The following DCUN1D4 variants were observed in gnomAD, a reference collection of about 807,000 sequenced individuals.
DCUN1D4 encodes defective in cullin neddylation 1 domain containing 4, also known as DCN1-like protein 4.
In DCUN1D4, 22 loss-of-function variants were observed where a neutral mutation model predicts 47.9. That is an observed-to-expected ratio of 0.46 (90% CI 0.33 to 0.66). The LOEUF (loss-of-function observed/expected upper bound fraction) is 0.66, where lower values mean the gene tolerates loss of function less well. Among genes scored for constraint, DCUN1D4 ranks in the 30% least tolerant of loss-of-function variants. DCUN1D4 has a pLI of 0.02. For synonymous variants in DCUN1D4, 121 were observed against 112.2 expected, an observed-to-expected ratio of 1.08 and a Z score of -0.50; for missense variants, 301 against 340.8, an observed-to-expected ratio of 0.88 and a Z score of 0.92.
chr4:51,837,603 G>C, the DCUN1D4 span, among the ~76,000 whole-genome samples: 1 of 139,620 alleles, frequency 7.2e-6, no homozygotes, highest in African/African-American at 2.7e-5. Context: ...TGCAGTGAGC[G>C]GAGATCGCGC....
chr4:51,891,442 G>A (rs1433103387), intron 6 of DCUN1D4, among the ~76,000 whole-genome samples: 1 of 152,178 alleles, frequency 6.6e-6, no homozygotes, highest in Non-Finnish European at 1.5e-5. Flanking sequence ...AACTTGCCAT[G>A]GGTGGAATTG....
chr4:51,892,111 A>G (rs1300559107), intron 7 of DCUN1D4, among the ~76,000 whole-genome samples: 1 of 152,214 alleles, frequency 6.6e-6, no homozygotes, highest in East Asian at 1.9e-4. Context: ...GGAGAAACAG[A>G]CCAACATTTT....
intron 4 of DCUN1D4, chr4:51,874,646 G>T: frequency 3.1e-6 from 1 of 318,220 alleles, no homozygotes; most frequent in South Asian, 4.1e-5. Context: ...GTGCAGAGTT[G>T]ATTTCTTTCC....
At chr4:51,908,401 G>T (rs1310983350) in intron 8 of DCUN1D4, among the ~76,000 whole-genome samples, 1 of 152,124 alleles carries the variant, frequency 6.6e-6, no homozygotes, top group Non-Finnish European at 1.5e-5. Flanking sequence ...TGGGGATGCT[G>T]GTTGGCTCTT....
At chr4:51,877,577 G>A in intron 4 of DCUN1D4, 186 bp from the exon 5 acceptor site, 1 of 467,716 alleles carries the variant, frequency 2.1e-6, no homozygotes, top group Non-Finnish European at 3.9e-6. Context: ...TCTATATTAG[G>A]AGTGACTGTG....
intron 8 of DCUN1D4, among the ~76,000 whole-genome samples, chr4:51,910,041 T>G (rs1733488232): frequency 6.6e-6 from 1 of 152,196 alleles, no homozygotes; most frequent in Non-Finnish European, 1.5e-5. Flanking sequence ...CTTAGGGTGG[T>G]GGTCACAGCA....
intron 8 of DCUN1D4, among the ~76,000 whole-genome samples, chr4:51,900,279 G>A (rs889412595): frequency 6.6e-6 from 1 of 151,584 alleles, no homozygotes; most frequent in Non-Finnish European, 1.5e-5. Context: ...GATGCATCTT[G>A]CAATAACGTT....
chr4:51,882,425 A>G (rs1241858770), intron 5 of DCUN1D4, among the ~76,000 whole-genome samples: 1 of 152,190 alleles, frequency 6.6e-6, no homozygotes, highest in Non-Finnish European at 1.5e-5. Context: ...GGAACACCCA[A>G]GCCATGTGCA....
upstream of DCUN1D4, among the ~76,000 whole-genome samples, chr4:51,838,695 C>T (rs1160093604): frequency 6.6e-6 from 1 of 152,190 alleles, no homozygotes; most frequent in Admixed American, 6.5e-5. Context: ...ATTTCACTAT[C>T]TTTTGAGAGC....
the DCUN1D4 span, among the ~76,000 whole-genome samples, chr4:51,834,060 C>CTT: frequency 7.3e-6 from 1 of 136,376 alleles, no homozygotes; most frequent in African/African-American, 3.1e-5. Flanking sequence ...CTCTCTCTCT[C>CTT]TCTCTCTCTC....
At chr4:51,856,052 G>C (rs1266204699) in intron 1 of DCUN1D4, among the ~76,000 whole-genome samples, 1 of 152,182 alleles carries the variant, frequency 6.6e-6, no homozygotes, top group Non-Finnish European at 1.5e-5. Context: ...AGTTAGAGAG[G>C]CAGATCCCTA....
In DCUN1D4 at chr4:51,895,480, C is replaced by A. The variant is rs1420697300; in HGVS notation, c.506+3629C>A. Among the ~76,000 whole-genome samples, 3 of 149,520 alleles carry A rather than the reference C, an allele frequency of 2.0e-5. No individual in the cohort carries two copies. The Admixed American group carries it at 2.0e-4, about 10-fold the overall frequency. On this transcript the variant is annotated intron_variant, in intron 7 of 10. Transcript: ENST00000334635. The stretch of plus-strand genomic sequence containing the variant: ...GGTAGGGAACATCTATCCTTGCACT[C>A]CTGAGATCATTCCCCTGCCAGAGAA...
chr4:51,898,848 G>T (rs1731673900), intron 7 of DCUN1D4, among the ~76,000 whole-genome samples: 1 of 152,188 alleles, frequency 6.6e-6, no homozygotes, highest in Non-Finnish European at 1.5e-5. Context: ...GAAAACAGCA[G>T]CTATAAAAGA....
At chr4:51,841,382 T>A (rs1027464668), upstream of DCUN1D4, among the ~76,000 whole-genome samples, 2 of 152,062 alleles carry the variant, frequency 1.3e-5, no homozygotes, top group African/African-American at 4.8e-5. Flanking sequence ...CTGCTCAGAG[T>A]AAGGGCGGAT....
intron 7 of DCUN1D4, among the ~76,000 whole-genome samples, chr4:51,897,733 A>C (rs1426002193): frequency 6.6e-6 from 1 of 152,228 alleles, no homozygotes; most frequent in Non-Finnish European, 1.5e-5. Flanking sequence ...TTGTGCCAGA[A>C]AGCAAGGAAA....
intron 4 of DCUN1D4, among the ~76,000 whole-genome samples, chr4:51,876,796 C>A (rs1030074991): frequency 6.6e-6 from 1 of 151,524 alleles, no homozygotes; most frequent in South Asian, 2.1e-4. Context: ...GTCCTGGAAA[C>A]AGTCCCCTGC....
intron 8 of DCUN1D4, chr4:51,910,841 G>C: frequency 1.8e-6 from 1 of 544,092 alleles, no homozygotes; most frequent in Non-Finnish European, 3.2e-6. Flanking sequence ...TGATCATTCA[G>C]TTGACATAAA....
chr4:51,895,215 G>T (rs1469224760), intron 7 of DCUN1D4, among the ~76,000 whole-genome samples: 1 of 150,844 alleles, frequency 6.6e-6, no homozygotes, highest in Non-Finnish European at 1.5e-5. Flanking sequence ...AAAAAAAAAA[G>T]GTTACTGTAT....
intron 7 of DCUN1D4, among the ~76,000 whole-genome samples, chr4:51,893,934 C>T (rs2110074968): frequency 6.6e-6 from 1 of 152,280 alleles, no homozygotes; most frequent in East Asian, 1.9e-4. Context: ...AGAATATTAC[C>T]TGATACCAGA....
Sources: allele counts gnomAD v4.1 joint callset (sites outside exome capture counted in the v4.1 genomes callset), GRCh38; gene constraint gnomAD v4.1.1; transcripts MANE v1.5; gene names NCBI Gene and HGNC (gene_info 2026-07-23, HGNC 2026-07-21).